Variants in NCOA3 observed in about 807,000 individuals in gnomAD.
NCOA3 encodes the protein CBP-interacting protein.
A neutral mutation model predicts 158.8 loss-of-function variants in NCOA3; 51 were observed. The observed-to-expected ratio is 0.32, with a 90% CI of 0.26 to 0.41. The LOEUF (loss-of-function observed/expected upper bound fraction) is 0.41, where lower values mean the gene tolerates loss of function less well. Ranked by LOEUF, NCOA3 falls within the 10% of genes least tolerant of loss-of-function variation. The pLI, the probability that NCOA3 is intolerant of heterozygous loss-of-function variation, is 1.00. For synonymous variants in NCOA3, 537 were observed against 592.4 expected, an observed-to-expected ratio of 0.91 and a Z score of 1.36; for missense variants, 1,510 against 1,746.6, an observed-to-expected ratio of 0.86 and a Z score of 2.41.
chr20:47,618,348 GTTTTTTT>G lies in NCOA3; in HGVS notation c.-19-3865_-19-3859del, dbSNP rs71183269. ...GATTTTAAGTTATTATTTTCCCTTA[GTTTTTTT>G]TTTTTTTTTTTTTTTATAGACAGAA... On this transcript the variant is annotated intron_variant, in intron 2 of 22. Coordinates refer to ENST00000371998, the MANE Select transcript of NCOA3 (RefSeq NM_181659.3). Among the ~76,000 whole-genome samples the G allele has an allele frequency of 9.9e-5, 10 of 101,374 alleles. No homozygotes were observed. In the East Asian group the frequency reaches 2.2e-3, roughly 23 times the overall value. The allele number at this position is 101,374 out of a possible 152,430, so 66.5% of individuals were successfully genotyped here.
intron 1 of NCOA3, among the ~76,000 whole-genome samples, chr20:47,579,470 A>G (rs2085419621): frequency 6.6e-6 from 1 of 152,248 alleles, no homozygotes; most frequent in Non-Finnish European, 1.5e-5. Flanking sequence ...TGTTTTTGAT[A>G]AAGAAAAAAA....
At chr20:47,619,372 T>TG (rs1342458803) in intron 2 of NCOA3, among the ~76,000 whole-genome samples, 2 of 151,960 alleles carry the variant, frequency 1.3e-5, no homozygotes, top group Admixed American at 1.3e-4. Flanking sequence ...AGGCTGGGTG[T>TG]GGTGGGTCAT....
intron 1 of NCOA3, among the ~76,000 whole-genome samples, chr20:47,539,303 G>T (rs538390331): frequency 6.6e-6 from 1 of 152,126 alleles, no homozygotes; most frequent in Admixed American, 6.6e-5. Flanking sequence ...TCATACCATC[G>T]TACTATATGT....
Position 47,651,039 on chromosome 20 carries a change from C to T in NCOA3, c.3709C>T (p.His1237Tyr). 6.2e-7 allele frequency: 1 copy of T among 1,614,110 alleles called. No individual in the cohort carries two copies. The highest frequency in any genetic ancestry group is 8.5e-7 in the Non-Finnish European group (1 of 1,180,020). Residue 1237 changes from histidine to tyrosine, a missense_variant, in exon 20 of 23, where the codon CAC (histidine) becomes TAC (tyrosine). His to Tyr is a moderately conservative substitution (Grantham distance 83). Around this residue, in one of 4 missense-constraint regions of NCOA3, gnomAD observed 1,017 missense variants for 1,098.3 expected, o/e 0.93. Transcript: ENST00000371998. ...ACGCAGCAGAGAGCTGCTAAGTCAT[C>T]ACTTCCGACAACAGAGGGTGGCTAT... Reference protein sequence around the residue: ...AQRSRELLSHHFRQQRVAMMM... With the variant: ...AQRSRELLSHYFRQQRVAMMM...
chr20:47,533,284 C>CAAAAG (rs2084577294), intron 1 of NCOA3, among the ~76,000 whole-genome samples: 1 of 54,854 alleles, frequency 1.8e-5, no homozygotes, highest in Non-Finnish European at 3.2e-5. Context: ...GGTTCCGTCT[C>CAAAAG]AAAAAAAAAA....
intron 2 of NCOA3, among the ~76,000 whole-genome samples, chr20:47,606,132 C>T (rs1179504827): frequency 6.6e-6 from 1 of 152,208 alleles, no homozygotes; most frequent in African/African-American, 2.4e-5. Context: ...GCATGAGCCA[C>T]TGCTCCTGGC....
At chr20:47,588,131 C>CT (rs33989951) in intron 2 of NCOA3, among the ~76,000 whole-genome samples, 3,977 of 78,174 alleles carry the variant, frequency 0.051, 764 homozygotes, top group East Asian at 0.067. Context: ...CTCCACCCCA[C>CT]TTTTTTTTTT....
chr20:47,512,228 A>C (rs1164020984), intron 1 of NCOA3, among the ~76,000 whole-genome samples: 1 of 152,184 alleles, frequency 6.6e-6, no homozygotes, highest in African/African-American at 2.4e-5. Context: ...TCTTCTAGAA[A>C]AAATAACTAA....
chr20:47,576,941 G>A (rs1045699145), intron 1 of NCOA3, among the ~76,000 whole-genome samples: 3 of 152,168 alleles, frequency 2.0e-5, no homozygotes, highest in Non-Finnish European at 2.9e-5. Flanking sequence ...CAGAACAAGC[G>A]CAAGCAAGCG....
chr20:47,644,794 T>TTCAAGCGATTCTCCTGCC (rs1443476945), intron 17 of NCOA3, among the ~76,000 whole-genome samples: 18 of 151,992 alleles, frequency 1.2e-4, no homozygotes, highest in African/African-American at 4.4e-4. Flanking sequence ...ACCTCCTGTG[T>TTCAAGCGATTCTCCTGCC]TCAAGCGATT....
chr20:47,508,445 C>G (rs912969449), intron 1 of NCOA3, among the ~76,000 whole-genome samples: 7 of 152,134 alleles, frequency 4.6e-5, no homozygotes, highest in Non-Finnish European at 7.4e-5. Context: ...AGGCAGGAAG[C>G]CTGCAGTTGT....
At chr20:47,503,889 A>G (rs1350055542) in intron 1 of NCOA3, among the ~76,000 whole-genome samples, 2 of 152,154 alleles carry the variant, frequency 1.3e-5, no homozygotes, top group African/African-American at 4.8e-5. Context: ...ATCCTAAATT[A>G]TAGGGGCATT....
chr20:47,573,751 T>A (rs2085331189), intron 1 of NCOA3, among the ~76,000 whole-genome samples: 1 of 152,344 alleles, frequency 6.6e-6, no homozygotes, highest in African/African-American at 2.4e-5. Context: ...CTTTCAGGTT[T>A]GTCCTATTTC....
intron 2 of NCOA3, among the ~76,000 whole-genome samples, chr20:47,590,541 TGAA>T (rs2085613574): frequency 6.6e-6 from 1 of 152,082 alleles, no homozygotes; most frequent in Non-Finnish European, 1.5e-5. Context: ...TAGAGGTAGA[TGAA>T]GAAGAAAGGA....
chr20:47,598,950 A>G (rs1293397893), intron 2 of NCOA3, among the ~76,000 whole-genome samples: 1 of 152,198 alleles, frequency 6.6e-6, no homozygotes, highest in African/African-American at 2.4e-5. Flanking sequence ...CTATGTTTAG[A>G]TATGCTTAGA....
At chr20:47,546,966 GTC>G (rs976119650) in intron 1 of NCOA3, among the ~76,000 whole-genome samples, 14 of 152,252 alleles carry the variant, frequency 9.2e-5, no homozygotes, top group Admixed American at 7.2e-4. Context: ...TCTGTCATAT[GTC>G]TGATTAAGTT....
At chr20:47,595,911 G>A (rs1188190758) in intron 2 of NCOA3, among the ~76,000 whole-genome samples, 1 of 151,968 alleles carries the variant, frequency 6.6e-6, no homozygotes. Context: ...AGTAATAAGT[G>A]GAATGCATTT....
intron 1 of NCOA3, among the ~76,000 whole-genome samples, chr20:47,504,660 C>T (rs1335719565): frequency 4.0e-5 from 6 of 151,508 alleles, no homozygotes; most frequent in African/African-American, 9.7e-5. Flanking sequence ...AAAAATTAGC[C>T]GGGCGTGGTG....
chr20:47,589,556 A>T (rs76207426), intron 2 of NCOA3, among the ~76,000 whole-genome samples: 1 of 151,322 alleles, frequency 6.6e-6, no homozygotes, highest in African/African-American at 2.4e-5. Context: ...TTTTTTTTTA[A>T]GTAGTGACGG....
Sources: allele counts gnomAD v4.1 joint callset (sites outside exome capture counted in the v4.1 genomes callset), GRCh38; gene constraint gnomAD v4.1.1; regional missense constraint gnomAD v4.1.1; transcripts MANE v1.5; gene names NCBI Gene and HGNC (gene_info 2026-07-23, HGNC 2026-07-21).